CLUAP1: variants seen among roughly 807,000 people sequenced by gnomAD.
CLUAP1 encodes intraflagellar transport 38.
CLUAP1 carries 50 observed loss-of-function variants against 55.0 expected under a neutral mutation model. That is an observed-to-expected ratio of 0.91 (90% CI 0.72 to 1.15). The LOEUF is 1.15. CLUAP1 is among the 50% of genes most tolerant of loss of function. The pLI is 0.00. For synonymous variants in CLUAP1, 195 were observed against 175.4 expected, an observed-to-expected ratio of 1.11 and a Z score of -0.88; for missense variants, 530 against 507.6, an observed-to-expected ratio of 1.04 and a Z score of -0.42.
chr16:3,532,566 C>T (rs1200139253), intron 10 of CLUAP1, among the ~76,000 whole-genome samples: 1 of 148,742 alleles, frequency 6.7e-6, no homozygotes, highest in Non-Finnish European at 1.5e-5. Context: ...AGGTGTGAAC[C>T]ACCATACCTG....
rs751298124 is a variant in CLUAP1, at chr16:3,530,633, C to G, written c.994C>G (p.Arg332Gly). The G allele has an allele frequency of 6.2e-7, 1 of 1,613,674 alleles. No individual in the cohort carries two copies. Among genetic ancestry groups the G allele is most frequent in the African/African-American group, 1.3e-5 (1 of 74,902 alleles). The change falls in exon 10 of 12, where the codon CGG (arginine) becomes GGG (glycine). Residue 332 changes from arginine to glycine, a missense_variant. Arg to Gly is a moderately radical substitution (Grantham distance 125). Coordinates refer to ENST00000576634, the MANE Select transcript of CLUAP1 (RefSeq NM_015041.3). ...DESDSELEER[R>G]LPKPQTAMEM... ...ATCCGACAGTGAGTTGGAAGAAAGG[C>G]GGCTGCCCAAGCCACAGACAGCCAT...
At position 3,520,025 on chromosome 16, in the gene CLUAP1, G is replaced by A; in HGVS notation, c.702G>A (p.Leu234=). Reference sequence around the variant, plus strand: ...GAAATCGGAAGCGACTAGAGACTCTGCAGAGTGTCAGGTAGATATGAACAC... The same window carrying A: ...GAAATCGGAAGCGACTAGAGACTCTACAGAGTGTCAGGTAGATATGAACAC... ...LERNRKRLET[L]QSVRPCFMDE... The change falls in exon 7 of 12, where the codon CTG becomes CTA. Residue 234 remains leucine (L), a synonymous_variant. Transcript: ENST00000576634. The A allele has an allele frequency of 6.2e-7, 1 of 1,610,672 alleles. No individual in the cohort carries two copies. The highest frequency in any genetic ancestry group is 8.5e-7 in the Non-Finnish European group (1 of 1,179,142).
rs192702266 is a variant in CLUAP1 at position 3,514,569 on chromosome 16, C to T, written c.496-939C>T. Reference sequence around the variant, plus strand: ...CCTTGTCTTACTTTGTTCAGGCTGCCGTCCCAAAACACAATAAGCTGAGTG... The same window carrying T: ...CCTTGTCTTACTTTGTTCAGGCTGCTGTCCCAAAACACAATAAGCTGAGTG... On this transcript the variant is annotated intron_variant, in intron 5 of 11. Coordinates refer to ENST00000576634, the MANE Select transcript of CLUAP1 (RefSeq NM_015041.3). Among the ~76,000 whole-genome samples, 359 of 152,210 alleles carry T rather than the reference C, an allele frequency of 2.4e-3. 3 individuals carry two copies. Among genetic ancestry groups the T allele is most frequent in the African/African-American group, 8.0e-3 (333 of 41,506 alleles).
At chr16:3,521,182 A>C (rs967342635) in intron 7 of CLUAP1, among the ~76,000 whole-genome samples, 8 of 152,028 alleles carry the variant, frequency 5.3e-5, no homozygotes, top group Admixed American at 5.2e-4. Flanking sequence ...AAAAAAAAAA[A>C]CAGAAGTCAT....
At chr16:3,531,243 A>C (rs574093617) in intron 10 of CLUAP1, among the ~76,000 whole-genome samples, 3 of 152,324 alleles carry the variant, frequency 2.0e-5, no homozygotes, top group African/African-American at 7.2e-5. Flanking sequence ...AAGTTAAGCC[A>C]GGCGCGGTGG....
At position 3,526,415 on chromosome 16, in the gene CLUAP1, G is replaced by A. The variant is rs186906943; in HGVS notation, c.859G>A (p.Ala287Thr). The A allele has an allele frequency of 3.4e-5, 54 of 1,602,378 alleles. No homozygotes were observed. Among genetic ancestry groups the A allele is most frequent in the Non-Finnish European group, 4.5e-5 (53 of 1,176,610 alleles). The part of the protein sequence containing the change: ...HRMEQERFEE[A>T]KNTLCLIQNK... ...GTCTGTATTTCCTCTTCCACAGGAA[G>A]CTAAAAACACTCTCTGCCTGATACA... Residue 287 changes from alanine to threonine, a missense_variant, in exon 9 of 12, where the codon GCT becomes ACT. Transcript: ENST00000576634.
upstream of CLUAP1, among the ~76,000 whole-genome samples, chr16:3,500,686 T>C (rs1459627238): frequency 6.6e-6 from 1 of 152,060 alleles, no homozygotes; most frequent in Non-Finnish European, 1.5e-5. Flanking sequence ...TCGTGCATTC[T>C]TTATAGAAAT....
rs1213875315 is a variant in CLUAP1, at chr16:3,539,015, A to T, written c.*2744A>T. 1 of 150,272 alleles carries T rather than the reference A, an allele frequency of 6.7e-6. No homozygotes were observed. The highest frequency in any genetic ancestry group is 1.5e-5 in the Non-Finnish European group (1 of 66,674). 9.3% of individuals were successfully genotyped at this position (150,272 alleles called of 1,614,324 possible). On this transcript the variant is annotated 3_prime_UTR_variant, in exon 12 of 12. Transcript: ENST00000576634. ...ATGCTTTAAAAAAAAATGTGTATGG[A>T]TGGAAAATACAAAGGAATTTTTCAA... is the stretch of plus-strand genomic sequence containing the variant.
rs1047415157 is a variant in CLUAP1, at chr16:3,533,026, C to G, written c.1092+185C>G. ...TCTTCGTTGCTCGTGGATGGCTCAT[C>G]TCTTTTCAAGTGAATGTGCTTGCTC... On this transcript the variant is annotated intron_variant, in intron 11 of 11. Transcript: ENST00000576634. 13 of 1,431,024 alleles carry G rather than the reference C, an allele frequency of 9.1e-6. No homozygotes were observed. The South Asian group carries it at 1.5e-4, about 16-fold the overall frequency. The allele number at this position is 1,431,024 out of a possible 1,614,324, so 88.6% of individuals were successfully genotyped here.
intron 3 of CLUAP1, 107 bp from the exon 4 acceptor site, chr16:3,508,182 A>G: frequency 1.1e-6 from 1 of 904,782 alleles, no homozygotes; most frequent in South Asian, 1.6e-5. Context: ...TTATTAGGTT[A>G]TATCCCAGTT....
At chr16:3,534,272 TC>T (rs1197383560) in intron 11 of CLUAP1, 9 of 152,272 alleles carry the variant, frequency 5.9e-5, no homozygotes, top group African/African-American at 1.2e-4. Flanking sequence ...TTCTGCGAGG[TC>T]AGTGAAGGCC....
At chr16:3,516,227 A>T (rs546097170) in intron 6 of CLUAP1, among the ~76,000 whole-genome samples, 7 of 152,350 alleles carry the variant, frequency 4.6e-5, no homozygotes. Context: ...CACAATTGAT[A>T]ATCAGTCATC....
rs1567440413 is a variant in CLUAP1 at position 3,529,803 on chromosome 16, T to TATATATTATATAATATATATTATATTATA, written c.929-759_929-758insTATATAATATATATTATATTATAATATAT. 8.2e-4 allele frequency among the ~76,000 whole-genome samples: 36 copies of TATATATTATATAATATATATTATATTATA among 43,786 alleles called. 4 individuals are homozygous for TATATATTATATAATATATATTATATTATA. Among genetic ancestry groups the TATATATTATATAATATATATTATATTATA allele is most frequent in the Admixed American group, 3.9e-3 (9 of 2,306 alleles). 28.7% of individuals were successfully genotyped at this position (43,786 alleles called of 152,430 possible). A position where few individuals can be genotyped will look rare whatever the true frequency, so the allele number is the denominator to read the frequency against. ...TATTATATAATATATATTATATTAT[T>TATATATTATATAATATATATTATATTATA]ATATATATATTATAATATAATATAT... On this transcript the variant is annotated intron_variant, in intron 9 of 11. Transcript: ENST00000576634.
At chr16:3,527,189 G>A (rs1012721561) in intron 9 of CLUAP1, among the ~76,000 whole-genome samples, 3 of 151,944 alleles carry the variant, frequency 2.0e-5, no homozygotes, top group Non-Finnish European at 4.4e-5. Context: ...TATAAAATAA[G>A]AATAGTTATA....
intron 1 of CLUAP1, among the ~76,000 whole-genome samples, chr16:3,501,523 C>T (rs1262201733): frequency 6.6e-6 from 1 of 152,222 alleles, no homozygotes; most frequent in Non-Finnish European, 1.5e-5. Context: ...TGGCTCACGC[C>T]CGTAAGCCCA....
rs145809107 is a variant in CLUAP1, at chr16:3,512,384, T to C, written c.401T>C (p.Ile134Thr). The C allele has an allele frequency of 6.2e-7, 1 of 1,612,740 alleles. No homozygotes were observed. Among genetic ancestry groups the C allele is most frequent in the Non-Finnish European group, 8.5e-7 (1 of 1,178,812 alleles). ...NKFKFDLGSK[I>T]ADLKAARQLA... ...CTGTTTTTGTTATTTTCCTTCCAGATTGCAGATTTGAAGGCAGCCAGGCAG... is the reference window on the plus strand; with the variant it reads ...CTGTTTTTGTTATTTTCCTTCCAGACTGCAGATTTGAAGGCAGCCAGGCAG... The change falls in exon 5 of 12, where the codon ATT (isoleucine) becomes ACT (threonine). Residue 134 changes from isoleucine (I) to threonine (T), a missense_variant and splice_region_variant. By Grantham distance (89) the Ile-to-Thr change is moderately conservative. Coordinates refer to ENST00000576634, the MANE Select transcript of CLUAP1 (RefSeq NM_015041.3).
At position 3,536,124 on chromosome 16, in the gene CLUAP1, G is replaced by C; in HGVS notation, c.1095G>C (p.Glu365Asp). 6.2e-7 allele frequency: 1 copy of C among 1,613,966 alleles called. No individual in the cohort carries two copies. Among genetic ancestry groups the C allele is most frequent in the East Asian group, 2.2e-5 (1 of 44,884 alleles). The change falls in exon 12 of 12, where the codon GAG (glutamate) becomes GAC (aspartate). Residue 365 changes from glutamate (E) to aspartate (D), a missense_variant and splice_region_variant. Coordinates refer to ENST00000576634, the MANE Select transcript of CLUAP1 (RefSeq NM_015041.3). ...TMQGGDSDDN[E>D]DSEESEIDME... ...CATCTGCCATTTTTTTCCTATAGGA[G>C]GACTCGGAGGAGAGTGAAATTGACA...
Position 3,536,310 on chromosome 16 carries a change from GACTT to G in CLUAP1, c.*40_*43del, listed in dbSNP as rs1567445525. ...GGACCCTGGCAGATTAAAACCCTCA[GACTT>G]GTAGGTAAATGGGAACTTAGAAGGT... is the stretch of plus-strand genomic sequence containing the variant. On this transcript the variant is annotated 3_prime_UTR_variant, in exon 12 of 12. Coordinates refer to ENST00000576634, the MANE Select transcript of CLUAP1 (RefSeq NM_015041.3). 6.2e-7 allele frequency: 1 copy of G among 1,600,632 alleles called. No individual in the cohort carries two copies. Among genetic ancestry groups the G allele is most frequent in the South Asian group, 1.1e-5 (1 of 89,910 alleles).
In CLUAP1 at chr16:3,519,938, T is replaced by C; in HGVS notation, c.615T>C (p.Asn205=). The C allele has an allele frequency of 6.2e-7, 1 of 1,613,222 alleles. No homozygotes were observed. Among genetic ancestry groups the C allele is most frequent in the East Asian group, 2.2e-5 (1 of 44,884 alleles). Residue 205 remains asparagine, a synonymous_variant, in exon 7 of 12, where the codon AAT becomes AAC. Coordinates refer to ENST00000576634, the MANE Select transcript of CLUAP1 (RefSeq NM_015041.3). ...QVQKTKDLLN[N]VASDEANLEA... ...AGAAGACTAAAGACCTGCTCAATAA[T>C]GTGGCCTCTGATGAAGCTAATTTAG...
Sources: allele counts gnomAD v4.1 joint callset (sites outside exome capture counted in the v4.1 genomes callset), GRCh38; gene constraint gnomAD v4.1.1; transcripts MANE v1.5; gene names NCBI Gene and HGNC (gene_info 2026-07-23, HGNC 2026-07-21).